Variants in HIVEP3 observed in about 807,000 individuals in gnomAD.
HIVEP3 encodes the protein transcription factor HIVEP3.
In HIVEP3, 49 loss-of-function variants were observed where a neutral mutation model predicts 152.8. The observed-to-expected ratio is 0.32, with a 90% CI of 0.26 to 0.41. The LOEUF (loss-of-function observed/expected upper bound fraction) is 0.41, where lower values mean the gene tolerates loss of function less well. HIVEP3 is among the 10% of genes least tolerant of loss of function. HIVEP3 has a pLI of 1.00. For synonymous variants in HIVEP3, 1,269 were observed against 1,289.0 expected (o/e 0.98, Z 0.33); for missense variants, 2,790 against 3,103.3 (o/e 0.90, Z 2.40).
chr1:41,781,656 A>G (rs2124283283), intron 1 of HIVEP3, among the ~76,000 whole-genome samples: 1 of 152,330 alleles, frequency 6.6e-6, no homozygotes, highest in African/African-American at 2.4e-5. Flanking sequence ...ATGGTTTCCC[A>G]GGGTCAATGG....
intron 6 of HIVEP3, among the ~76,000 whole-genome samples, chr1:41,523,546 CA>C (rs1273351489): frequency 1.3e-5 from 2 of 152,058 alleles, no homozygotes; most frequent in African/African-American, 4.8e-5. Flanking sequence ...GCCACTCTCC[CA>C]GGGGATGTGA....
chr1:41,982,492 C>G lies in HIVEP3; in HGVS notation n.119+53315G>C, dbSNP rs1481805064. On this transcript the variant is annotated intron_variant and non_coding_transcript_variant, in intron 1 of 3. Coordinates refer to the HIVEP3 transcript ENST00000489103. ...GAGAATAAATCTGATAAATCGTGTC[C>G]TTCAAAAAGAGGAATTTATGTAATG... Among the ~76,000 whole-genome samples, 8 of 152,146 alleles carry G rather than the reference C, an allele frequency of 5.3e-5. No homozygotes were observed. In the East Asian group the frequency reaches 1.5e-3, roughly 29 times the overall value.
intron 1 of HIVEP3, among the ~76,000 whole-genome samples, chr1:41,778,853 A>G (rs759986773): frequency 6.6e-6 from 1 of 152,194 alleles, no homozygotes; most frequent in South Asian, 2.1e-4. Context: ...ATCGGGTGGT[A>G]CGGAAGATCT....
intron 1 of HIVEP3, among the ~76,000 whole-genome samples, chr1:41,763,102 T>C (rs1267671680): frequency 6.6e-6 from 1 of 152,126 alleles, no homozygotes; most frequent in African/African-American, 2.4e-5. Context: ...CTTGGGCAAG[T>C]CTCTTCTCTG....
chr1:41,527,392 A>AC (rs1643018229), intron 5 of HIVEP3, among the ~76,000 whole-genome samples: 1 of 94,240 alleles, frequency 1.1e-5, no homozygotes, highest in African/African-American at 4.4e-5. Context: ...TCGCACTCAC[A>AC]CTCCACACCC....
At chr1:41,896,586 T>C (rs1254977955) in intron 1 of HIVEP3, among the ~76,000 whole-genome samples, 1 of 151,726 alleles carries the variant, frequency 6.6e-6, no homozygotes, top group Admixed American at 6.5e-5. Flanking sequence ...TCTTTTTTTT[T>C]TTTTTTGAGA....
chr1:41,781,198 C>T (rs1649018439), intron 1 of HIVEP3, among the ~76,000 whole-genome samples: 1 of 152,174 alleles, frequency 6.6e-6, no homozygotes, highest in South Asian at 2.1e-4. Context: ...AAAATCCATG[C>T]TTGGACCAGA....
intron 1 of HIVEP3, among the ~76,000 whole-genome samples, chr1:42,006,882 A>C (rs1352319024): frequency 6.6e-6 from 1 of 152,230 alleles, no homozygotes; most frequent in East Asian, 1.9e-4. Flanking sequence ...GCCAAATGTT[A>C]TCGACTTATT....
intron 2 of HIVEP3, among the ~76,000 whole-genome samples, chr1:41,693,119 G>T (rs1646221068): frequency 6.6e-6 from 1 of 152,108 alleles, no homozygotes; most frequent in Admixed American, 6.5e-5. Flanking sequence ...CTTGAAACAA[G>T]GTCTCTCTGA....
intron 1 of HIVEP3, among the ~76,000 whole-genome samples, chr1:42,006,191 C>T (rs1010061526): frequency 2.0e-5 from 3 of 152,048 alleles, no homozygotes; most frequent in African/African-American, 7.2e-5. Context: ...AAGCTAAAAA[C>T]TACAGGTGTG....
intron 1 of HIVEP3, among the ~76,000 whole-genome samples, chr1:41,806,171 C>T (rs573536852): frequency 6.6e-6 from 1 of 152,184 alleles, no homozygotes; most frequent in Admixed American, 6.5e-5. Context: ...CAGACAAACA[C>T]CCTCACTCTG....
At chr1:41,632,593 T>A (rs1365082836) in intron 2 of HIVEP3, among the ~76,000 whole-genome samples, 1 of 151,814 alleles carries the variant, frequency 6.6e-6, no homozygotes. Flanking sequence ...CTGTCTCTAC[T>A]GAAAATACAA....
chr1:41,743,396 T>C (rs1647025889), intron 1 of HIVEP3, among the ~76,000 whole-genome samples: 1 of 152,182 alleles, frequency 6.6e-6, no homozygotes, highest in Non-Finnish European at 1.5e-5. Context: ...CCCCAGCACT[T>C]AGGACAGAGC....
At chr1:41,978,908 C>CACT (rs1415261973) in intron 1 of HIVEP3, among the ~76,000 whole-genome samples, 1 of 152,164 alleles carries the variant, frequency 6.6e-6, no homozygotes, top group Non-Finnish European at 1.5e-5. Context: ...CCCCAACGAT[C>CACT]ACTGCACCAG....
intron 1 of HIVEP3, among the ~76,000 whole-genome samples, chr1:41,718,142 T>A (rs775233196): frequency 9.2e-5 from 14 of 152,212 alleles, no homozygotes; most frequent in Non-Finnish European, 1.8e-4. Context: ...TTCAGCGGCA[T>A]CCAGCCCATT....
At chr1:41,726,239 CG>C (rs200854359) in intron 1 of HIVEP3, among the ~76,000 whole-genome samples, 2,212 of 152,242 alleles carry the variant, frequency 0.015, 27 homozygotes, top group Non-Finnish European at 0.018. Context: ...AAATCAAACC[CG>C]GGATGGACCT....
intron 1 of HIVEP3, among the ~76,000 whole-genome samples, chr1:41,856,144 C>T (rs1643759572): frequency 6.6e-6 from 1 of 152,200 alleles, no homozygotes; most frequent in South Asian, 2.1e-4. Flanking sequence ...CAGGTATCTG[C>T]ATTCTTATAT....
At chr1:41,524,323 G>C (rs1642841349) in intron 6 of HIVEP3, among the ~76,000 whole-genome samples, 1 of 152,190 alleles carries the variant, frequency 6.6e-6, no homozygotes, top group African/African-American at 2.4e-5. Flanking sequence ...GAGTGGAATG[G>C]ATTTCCAAAT....
At chr1:41,847,191 G>A (rs932918759) in intron 1 of HIVEP3, 2 of 152,220 alleles carry the variant, frequency 1.3e-5, no homozygotes, top group South Asian at 4.1e-4. Context: ...GTCATAGGAA[G>A]AGGAAACTAA....
Sources: allele counts gnomAD v4.1 joint callset (sites outside exome capture counted in the v4.1 genomes callset), GRCh38; gene constraint gnomAD v4.1.1; transcripts MANE v1.5; gene names NCBI Gene and HGNC (gene_info 2026-07-23, HGNC 2026-07-21).